TMEM150C: variants seen among roughly 807,000 people sequenced by gnomAD.
The protein encoded by TMEM150C is tentonin 3.
Under a neutral mutation model 29.9 loss-of-function variants are expected in TMEM150C, and 10 were observed. The ratio of observed to expected loss-of-function variants is 0.33; its 90% confidence interval spans 0.21 to 0.57. TMEM150C has a LOEUF of 0.57. TMEM150C is among the 20% of genes least tolerant of loss of function. TMEM150C has a pLI of 0.88. For synonymous variants in TMEM150C, 101 were observed against 112.5 expected (o/e 0.90, Z 0.64); for missense variants, 251 against 303.6 (o/e 0.83, Z 1.29).
intron 1 of TMEM150C, among the ~76,000 whole-genome samples, chr4:82,515,397 G>A (rs1406650150): frequency 6.6e-6 from 1 of 152,138 alleles, no homozygotes; most frequent in Non-Finnish European, 1.5e-5. Context: ...TCATTTTATA[G>A]ATGACAGTGA....
At chr4:82,532,301 G>A (rs753125900) in intron 1 of TMEM150C, among the ~76,000 whole-genome samples, 2 of 152,190 alleles carry the variant, frequency 1.3e-5, no homozygotes, top group African/African-American at 2.4e-5. Context: ...TGCAGCCCAG[G>A]CTATATTCAG....
At chr4:82,494,404 C>G (rs1723470106) in intron 6 of TMEM150C, among the ~76,000 whole-genome samples, 1 of 152,184 alleles carries the variant, frequency 6.6e-6, no homozygotes, top group Non-Finnish European at 1.5e-5. Flanking sequence ...AGTAGCATAT[C>G]TTTATACAAG....
intron 1 of TMEM150C, among the ~76,000 whole-genome samples, chr4:82,544,392 G>T (rs1219131879): frequency 6.6e-6 from 1 of 152,204 alleles, no homozygotes; most frequent in Non-Finnish European, 1.5e-5. Flanking sequence ...AAGTTAACAG[G>T]TATTTATTGA....
At chr4:82,487,844 C>G (rs1413253840) in intron 7 of TMEM150C, among the ~76,000 whole-genome samples, 1 of 152,120 alleles carries the variant, frequency 6.6e-6, no homozygotes, top group Non-Finnish European at 1.5e-5. Context: ...GGGTCTGCTT[C>G]TATTCATATT....
chr4:82,517,623 T>A (rs75629192), intron 1 of TMEM150C, among the ~76,000 whole-genome samples: 2,663 of 152,206 alleles, frequency 0.017, 83 homozygotes, highest in African/African-American at 0.06. Flanking sequence ...TCCAGACACA[T>A]ACCTGCACCC....
At chr4:82,491,461 G>A (rs900900178) in intron 6 of TMEM150C, 14 of 689,982 alleles carry the variant, frequency 2.0e-5, no homozygotes, top group Non-Finnish European at 3.1e-5. Context: ...CTGATATAGC[G>A]GGGCAATTTC....
chr4:82,524,227 G>A (rs781364614), intron 1 of TMEM150C, among the ~76,000 whole-genome samples: 10 of 151,710 alleles, frequency 6.6e-5, no homozygotes, highest in South Asian at 4.2e-4. Flanking sequence ...GAGATCACGC[G>A]AAAAACAAAA....
intron 1 of TMEM150C, among the ~76,000 whole-genome samples, chr4:82,530,470 T>C (rs565591089): frequency 1.2e-3 from 181 of 152,214 alleles, no homozygotes; most frequent in African/African-American, 4.1e-3. Context: ...GGCAGGAGAA[T>C]GGTGTGAACC....
intron 1 of TMEM150C, among the ~76,000 whole-genome samples, chr4:82,550,237 TCTCTCATGAA>T (rs914010719): frequency 7.2e-5 from 11 of 152,142 alleles, no homozygotes; most frequent in East Asian, 5.8e-4. Flanking sequence ...TCACATGCTC[TCTCTCATGAA>T]CTCTCATGAA....
At chr4:82,539,633 T>C (rs1385700846) in intron 1 of TMEM150C, among the ~76,000 whole-genome samples, 1 of 152,138 alleles carries the variant, frequency 6.6e-6, no homozygotes, top group Non-Finnish European at 1.5e-5. Flanking sequence ...TTTGTATTTT[T>C]AGTAGAGATG....
At chr4:82,496,604 T>C (rs944526189) in intron 5 of TMEM150C, among the ~76,000 whole-genome samples, 2 of 152,138 alleles carry the variant, frequency 1.3e-5, no homozygotes, top group Admixed American at 6.5e-5. Context: ...CTGCAGAGGC[T>C]TGGCACACAA....
intron 6 of TMEM150C, among the ~76,000 whole-genome samples, chr4:82,493,079 C>T (rs1423229825): frequency 6.6e-6 from 1 of 151,150 alleles, no homozygotes; most frequent in East Asian, 1.9e-4. Context: ...CTTTTAAACC[C>T]ATTGTGAAAG....
At chr4:82,548,086 G>A (rs1296204221) in intron 1 of TMEM150C, among the ~76,000 whole-genome samples, 2 of 152,186 alleles carry the variant, frequency 1.3e-5, no homozygotes, top group African/African-American at 4.8e-5. Context: ...ATTATCCTCA[G>A]TGAATTAATG....
chr4:82,546,749 C>T (rs1019182069), intron 1 of TMEM150C, among the ~76,000 whole-genome samples: 1 of 151,964 alleles, frequency 6.6e-6, no homozygotes, highest in Non-Finnish European at 1.5e-5. Flanking sequence ...AATGGTGTGA[C>T]CCGGGAGGTG....
chr4:82,547,954 G>A (rs966242448), intron 1 of TMEM150C, among the ~76,000 whole-genome samples: 7 of 152,102 alleles, frequency 4.6e-5, no homozygotes, highest in African/African-American at 1.7e-4. Flanking sequence ...AATCAACCTA[G>A]GTACCCATCA....
chr4:82,529,098 A>C (rs1578143464), intron 1 of TMEM150C, among the ~76,000 whole-genome samples: 1 of 152,070 alleles, frequency 6.6e-6, no homozygotes, highest in African/African-American at 2.4e-5. Flanking sequence ...GCGGGAAGGC[A>C]GGGGAGGAGA....
At chr4:82,513,825 A>G (rs534945922) in intron 1 of TMEM150C, among the ~76,000 whole-genome samples, 1 of 152,246 alleles carries the variant, frequency 6.6e-6, no homozygotes, top group Non-Finnish European at 1.5e-5. Context: ...TGAGAGAGGA[A>G]AACATGGAGG....
chr4:82,483,587 C>T lies in TMEM150C; in HGVS notation c.*1924G>A, dbSNP rs540909696. Reference sequence around the variant, plus strand: ...ACATGAAACAGCCATCTTCCATGCTCTCTCACTCATCTTTGAGTCTCTCTC... The same window carrying T: ...ACATGAAACAGCCATCTTCCATGCTTTCTCACTCATCTTTGAGTCTCTCTC... On this transcript the variant is annotated 3_prime_UTR_variant, in exon 8 of 8. Transcript: ENST00000449862. 5.4e-4 allele frequency: 82 copies of T among 152,238 alleles called. No homozygotes were observed. The highest frequency in any genetic ancestry group is 1.9e-3 in the African/African-American group (77 of 41,548). 9.4% of individuals were successfully genotyped at this position (152,238 alleles called of 1,614,324 possible).
At chr4:82,497,415 AT>A (rs1485319810) in intron 5 of TMEM150C, among the ~76,000 whole-genome samples, 2 of 152,188 alleles carry the variant, frequency 1.3e-5, no homozygotes, top group African/African-American at 4.8e-5. Flanking sequence ...ACAGGCCATT[AT>A]TAGTAGACAT....
Sources: allele counts gnomAD v4.1 joint callset (sites outside exome capture counted in the v4.1 genomes callset), GRCh38; gene constraint gnomAD v4.1.1; transcripts MANE v1.5; gene names NCBI Gene and HGNC (gene_info 2026-07-23, HGNC 2026-07-21).